The following TRIM46 variants were observed in gnomAD, a reference collection of about 807,000 sequenced individuals.
TRIM46 encodes tripartite motif-containing protein 46.
In TRIM46, 17 loss-of-function variants were observed where a neutral mutation model predicts 69.7. The ratio of observed to expected loss-of-function variants is 0.24; its 90% CI spans 0.17 to 0.37. TRIM46 has a LOEUF of 0.37. Ranked by LOEUF, TRIM46 falls within the 10% of genes least tolerant of loss-of-function variation. The pLI, the probability that TRIM46 is intolerant of heterozygous loss-of-function variation, is 1.00. For missense variants in TRIM46, 675 were observed against 1,025.1 expected (o/e 0.66, Z 4.66); for synonymous variants, 391 against 429.0 (o/e 0.91, Z 1.09).
chr1:155,178,720 C>T (rs1035394434), intron 7 of TRIM46, 107 bp downstream of exon 7: 23 of 1,539,352 alleles, frequency 1.5e-5, no homozygotes, highest in South Asian at 4.7e-5. Flanking sequence ...GCCTCCTGCC[C>T]GGCCTGGCCA....
intron 5 of TRIM46, 45 bp downstream of exon 5, chr1:155,177,335 A>G (rs1286463267): frequency 6.7e-7 from 1 of 1,486,668 alleles, no homozygotes; most frequent in East Asian, 2.3e-5. Flanking sequence ...GCCTGGGAGT[A>G]GGGGCAGGAA....
At chr1:155,178,729 C>A in intron 7 of TRIM46, 116 bp downstream of exon 7, 1 of 1,516,908 alleles carries the variant, frequency 6.6e-7, no homozygotes, top group Non-Finnish European at 8.8e-7. Context: ...CCGGCCTGGC[C>A]AGCCATTCCT....
rs1666002566 is a variant in TRIM46 at position 155,179,841 on chromosome 1, G to A, written c.1495G>A (p.Gly499Ser). The A allele has an allele frequency of 6.2e-7, 1 of 1,613,480 alleles. No individual in the cohort carries two copies. Among genetic ancestry groups the A allele is most frequent in the Non-Finnish European group, 8.5e-7 (1 of 1,179,908 alleles). Residue 499 changes from glycine to serine, a missense_variant, in exon 8 of 10, where the codon GGC becomes AGC. Coordinates refer to ENST00000334634, the MANE Select transcript of TRIM46 (RefSeq NM_025058.5). Reference sequence around the variant, plus strand: ...TGCCCTGCTTGAGAACCCCGACACGGGCTCTGTGTATGTGCTGCGTGTCCG... The same window carrying A: ...TGCCCTGCTTGAGAACCCCGACACGAGCTCTGTGTATGTGCTGCGTGTCCG... The part of the protein sequence containing the change: ...TSALLENPDT[G>S]SVYVLRVRGC...
chr1:155,177,905 T>C, intron 5 of TRIM46, 97 bp from the exon 6 acceptor site: 1 of 1,511,468 alleles, frequency 6.6e-7, no homozygotes, highest in East Asian at 2.3e-5. Flanking sequence ...CCTTGTGACC[T>C]TAGCCATGCT....
chr1:155,178,078 C>T lies in TRIM46; in HGVS notation c.986C>T (p.Ala329Val). ...GLGAVLEEKRASLLQAIEECQ... is the reference protein window; with the variant it reads ...GLGAVLEEKRVSLLQAIEECQ... ...GGGGCTGTGCTGGAGGAGAAGCGGG[C>T]ATCACTGCTTCAGGCCATTGAAGAA... Residue 329 changes from alanine to valine, a missense_variant, in exon 6 of 10, where the codon GCA (alanine) becomes GTA (valine). Coordinates refer to ENST00000334634, the MANE Select transcript of TRIM46 (RefSeq NM_025058.5). 6.2e-7 allele frequency: 1 copy of T among 1,614,052 alleles called. No individual in the cohort carries two copies. The highest frequency in any genetic ancestry group is 1.1e-5 in the South Asian group (1 of 91,082).
intron 5 of TRIM46, 142 bp from the exon 6 acceptor site, chr1:155,177,860 C>T (rs1296491005): frequency 8.0e-7 from 1 of 1,244,754 alleles, no homozygotes; most frequent in Non-Finnish European, 1.1e-6. Flanking sequence ...GAGCCCAGGC[C>T]CTGTAGGAAT....
At chr1:155,178,989 C>A in intron 7 of TRIM46, 1 of 505,794 alleles carries the variant, frequency 2.0e-6, no homozygotes, top group Non-Finnish European at 3.4e-6. Flanking sequence ...CCCACTGGAC[C>A]AATGCCCTGT....
rs754624779 is a variant in TRIM46 at position 155,175,898 on chromosome 1, A to T, written c.336A>T (p.Thr112=). ...CTGGTTCACCCACAGGCTTTGGGAC[A>T]TACCCTGGGAGGAAGCGAGGTGCTT... ...LDRLLKSGFG[T]YPGRKRGALH... Residue 112 remains threonine, a synonymous_variant, in exon 3 of 10, where the codon ACA becomes ACT. Transcript: ENST00000334634. The surrounding 1 kb of genome is among the most constrained non-coding windows in gnomAD (Gnocchi z 4.2). 2 of 1,587,886 alleles carry T rather than the reference A, an allele frequency of 1.3e-6. No individual in the cohort carries two copies. The highest frequency in any genetic ancestry group is 1.7e-6 in the Non-Finnish European group (2 of 1,165,156).
rs1665626687 is a variant in TRIM46 at position 155,175,987 on chromosome 1, G to A, written c.425G>A (p.Arg142Gln). ...CAAGGTGATGTGGAGCTTGGGGAGC[G>A]GGGTCTGGCAGGGCTTTTCCGGAAC... is the stretch of plus-strand genomic sequence containing the variant. ...ACQGDVELGE[R>Q]GLAGLFRNLT... The change falls in exon 3 of 10, where the codon CGG becomes CAG. Residue 142 changes from arginine (R) to glutamine (Q), a missense_variant. By Grantham distance (43) the Arg-to-Gln change is conservative. Around this residue, in one of 5 missense-constraint regions of TRIM46, gnomAD observed 170 missense variants for 255.6 expected, o/e 0.67. Transcript: ENST00000334634. This position sits in a 1 kb window ranked among gnomAD's most constrained non-coding sequence, Gnocchi z 4.2. 6.8e-6 allele frequency: 11 copies of A among 1,613,600 alleles called. No homozygotes were observed. Among genetic ancestry groups the A allele is most frequent in the Non-Finnish European group, 9.3e-6 (11 of 1,179,616 alleles).
Position 155,175,589 on chromosome 1 carries a change from C to T in TRIM46, c.267C>T (p.Pro89=), listed in dbSNP as rs771662339. Residue 89 remains proline (P), a synonymous_variant, in exon 2 of 10, where the codon CCC becomes CCT. Transcript: ENST00000334634. The surrounding 1 kb of genome is among the most constrained non-coding windows in gnomAD (Gnocchi z 4.2). ...CCTCCACCCCTTCCACCCGCAGCCC[C>T]CGCCTCTCCCGCAGAACTCTCCCCA... ...SPASTPSTRS[P]RLSRRTLPKP... The T allele has an allele frequency of 8.1e-6, 13 of 1,613,696 alleles. No homozygotes were observed. Among genetic ancestry groups the T allele is most frequent in the Non-Finnish European group, 1.1e-5 (13 of 1,179,970 alleles).
chr1:155,174,703 G>A (rs1665485748), intron 1 of TRIM46: 7 of 1,451,760 alleles, frequency 4.8e-6, no homozygotes, highest in East Asian at 2.6e-5. Context: ...GAGGGGGAGG[G>A]GACTTCCGGT....
chr1:155,175,581 C>G lies in TRIM46; in HGVS notation c.259C>G (p.Arg87Gly). 1 of 1,613,476 alleles carries G rather than the reference C, an allele frequency of 6.2e-7. No homozygotes were observed. Among genetic ancestry groups the G allele is most frequent in the Non-Finnish European group, 8.5e-7 (1 of 1,179,882 alleles). ...PTSPASTPST[R>G]SPRLSRRTLP... ...CTCTCCTGCCTCCACCCCTTCCACC[C>G]GCAGCCCCCGCCTCTCCCGCAGAAC... Residue 87 changes from arginine to glycine, a missense_variant, in exon 2 of 10, where the codon CGC becomes GGC. By Grantham distance (125) the Arg-to-Gly change is moderately radical (BLOSUM62 -2). This residue lies in a region of TRIM46 where 170 missense variants were observed against 255.6 expected (regional missense o/e 0.67). Coordinates refer to ENST00000334634, the MANE Select transcript of TRIM46 (RefSeq NM_025058.5). This position sits in a 1 kb window ranked among gnomAD's most constrained non-coding sequence, Gnocchi z 4.2.
intron 1 of TRIM46, chr1:155,174,468 C>T (rs945612513): frequency 1.1e-5 from 15 of 1,406,234 alleles, no homozygotes; most frequent in Non-Finnish European, 1.3e-5. Flanking sequence ...ACCCCACGCA[C>T]CCCCACTCAG....
rs905681836 is a variant in TRIM46 at position 155,178,428 on chromosome 1, A to G, written c.1164-64A>G. 53 of 1,607,924 alleles carry G rather than the reference A, an allele frequency of 3.3e-5. No homozygotes were observed. In the African/African-American group the frequency reaches 4.9e-4, roughly 15 times the overall value. Reference sequence around the variant, plus strand: ...CCAAGGCTCTAGGGGCAAGCAAGACAGAATTGAGGGGAAGGGAGACTGCCC... The same window carrying G: ...CCAAGGCTCTAGGGGCAAGCAAGACGGAATTGAGGGGAAGGGAGACTGCCC... On this transcript the variant is annotated intron_variant, in intron 6 of 9. Coordinates refer to ENST00000334634, the MANE Select transcript of TRIM46 (RefSeq NM_025058.5).
chr1:155,183,050 A>C (rs1427080596), intron 9 of TRIM46, among the ~76,000 whole-genome samples: 1 of 151,414 alleles, frequency 6.6e-6, no homozygotes, highest in Non-Finnish European at 1.5e-5. Flanking sequence ...AGCTGGGACT[A>C]CAGGCACCCG....
intron 1 of TRIM46, chr1:155,174,762 G>A: frequency 1.4e-6 from 2 of 1,462,776 alleles, no homozygotes; most frequent in South Asian, 1.3e-5. Context: ...CTAGTTCGGA[G>A]AAGGGGGTGC....
chr1:155,178,739 T>TTGGGGGC, intron 7 of TRIM46, 126 bp downstream of exon 7: 1 of 1,348,470 alleles, frequency 7.4e-7, no homozygotes, highest in Non-Finnish European at 1.0e-6. Context: ...CAGCCATTCC[T>TTGGGGGC]CCCACCCAGC....
chr1:155,177,908 G>A, intron 5 of TRIM46, 94 bp from the exon 6 acceptor site: 1 of 1,519,986 alleles, frequency 6.6e-7, no homozygotes, highest in African/African-American at 1.4e-5. Context: ...TGTGACCTTA[G>A]CCATGCTGTG....
chr1:155,184,145 G>A lies in TRIM46; in HGVS notation c.2235G>A (p.Lys745=). The A allele has an allele frequency of 6.2e-7, 1 of 1,613,602 alleles. No individual in the cohort carries two copies. The highest frequency in any genetic ancestry group is 8.5e-7 in the Non-Finnish European group (1 of 1,179,912). The change falls in exon 10 of 10, where the codon AAG becomes AAA. Residue 745 remains lysine, a synonymous_variant. Transcript: ENST00000334634. This position sits in a 1 kb window ranked among gnomAD's most constrained non-coding sequence, Gnocchi z 5.6. ...AGCTCCAGGAGCCAGTGGGCACTAA[G>A]CCTGAGAGGAAAGTCACCATTGGGG... is the stretch of plus-strand genomic sequence containing the variant. The part of the protein sequence containing the change: ...AVQLQEPVGT[K]PERKVTIGGF...
Sources: gnomAD v4.1 joint callset for allele counts (sites outside exome capture counted in the v4.1 genomes callset) on GRCh38, gnomAD v4.1.1 for gene constraint, gnomAD v4.1.1 regional missense constraint, Gnocchi (gnomAD v3.1) non-coding constraint, MANE v1.5 for transcripts, NCBI Gene and HGNC (gene_info 2026-07-23, HGNC 2026-07-21) for gene names.